The following ENOX1 variants were observed in gnomAD, a reference collection of about 807,000 sequenced individuals.
The protein encoded by ENOX1 is candidate growth-related and time keeping constitutive hydroquinone (NADH) oxidase.
In ENOX1, 42 loss-of-function variants were observed where a neutral mutation model predicts 82.5. The observed-to-expected ratio is 0.51, with a 90% CI of 0.40 to 0.66. The LOEUF is 0.66. Among genes scored for constraint, ENOX1 ranks in the 30% least tolerant of loss-of-function variants. The pLI is 0.00. For missense variants in ENOX1, 608 were observed against 811.6 expected (o/e 0.75, Z 3.05); for synonymous variants, 271 against 282.2 (o/e 0.96, Z 0.40).
intron 1 of ENOX1, among the ~76,000 whole-genome samples, chr13:43,707,194 C>T (rs2087352950): frequency 6.6e-6 from 1 of 151,834 alleles, no homozygotes; most frequent in Non-Finnish European, 1.5e-5. Context: ...AGAGAAAAAA[C>T]ATAATAACAA....
At chr13:43,287,819 G>C (rs1032321057) in intron 12 of ENOX1, among the ~76,000 whole-genome samples, 2 of 152,234 alleles carry the variant, frequency 1.3e-5, no homozygotes, top group South Asian at 2.1e-4. Flanking sequence ...TGTCATGTGT[G>C]ATCCTTTCAA....
chr13:43,301,583 A>C (rs63616960), intron 11 of ENOX1, among the ~76,000 whole-genome samples: 1 of 30,148 alleles, frequency 3.3e-5, no homozygotes, highest in South Asian at 6.5e-4. Flanking sequence ...TTCCCCCACC[A>C]AAAAAAAAAA....
At chr13:43,379,507 T>TGA (rs563100259) in intron 5 of ENOX1, among the ~76,000 whole-genome samples, 22 of 152,042 alleles carry the variant, frequency 1.4e-4, no homozygotes, top group Non-Finnish European at 3.1e-4. Flanking sequence ...CTTGTAGGGA[T>TGA]GAGAAGTACA....
intron 1 of ENOX1, among the ~76,000 whole-genome samples, chr13:43,730,457 G>C (rs2089275912): frequency 6.6e-6 from 1 of 152,134 alleles, no homozygotes; most frequent in Non-Finnish European, 1.5e-5. Context: ...ACTCTCCAAA[G>C]TCTGCTTCTT....
chr13:43,262,683 C>T (rs2044145283), intron 14 of ENOX1, among the ~76,000 whole-genome samples: 1 of 152,220 alleles, frequency 6.6e-6, no homozygotes, highest in South Asian at 2.1e-4. Flanking sequence ...CGCCATGTTG[C>T]CCAGTCTGGT....
intron 3 of ENOX1, among the ~76,000 whole-genome samples, chr13:43,453,914 G>A (rs1432210235): frequency 6.6e-6 from 1 of 152,198 alleles, no homozygotes; most frequent in Non-Finnish European, 1.5e-5. Context: ...AGTAGGTGTA[G>A]ATGATGGGAA....
At chr13:43,652,168 A>C (rs2084220433) in intron 2 of ENOX1, among the ~76,000 whole-genome samples, 1 of 151,990 alleles carries the variant, frequency 6.6e-6, no homozygotes, top group Non-Finnish European at 1.5e-5. Context: ...TCTACAGGTC[A>C]CTTTTTTGGA....
At position 43,238,207 on chromosome 13, in the gene ENOX1, C is replaced by T. The variant is rs79978488; in HGVS notation, c.1612-1469G>A. Among the ~76,000 whole-genome samples, 68 of 152,186 alleles carry T rather than the reference C, an allele frequency of 4.5e-4. 1 individual carries two copies. The highest frequency in any genetic ancestry group is 1.6e-3 in the African/African-American group (66 of 41,522). ...GCTAAGTCTGGAGCCAGCTGTACATCAAAGGTTACTAGAGATGAAAGATGC... is the reference window on the plus strand; with the variant it reads ...GCTAAGTCTGGAGCCAGCTGTACATTAAAGGTTACTAGAGATGAAAGATGC... On this transcript the variant is annotated intron_variant, in intron 14 of 16. Coordinates refer to ENST00000690772, the MANE Select transcript of ENOX1 (RefSeq NM_001347969.2).
At chr13:43,332,125 C>G (rs1266556020) in intron 9 of ENOX1, among the ~76,000 whole-genome samples, 1 of 152,152 alleles carries the variant, frequency 6.6e-6, no homozygotes, top group African/African-American at 2.4e-5. Context: ...TACTGAACTT[C>G]CTGGCTAGAT....
intron 11 of ENOX1, among the ~76,000 whole-genome samples, chr13:43,312,713 T>C (rs1267218067): frequency 2.0e-5 from 3 of 152,194 alleles, no homozygotes; most frequent in African/African-American, 7.2e-5. Flanking sequence ...TTTCAGGAAA[T>C]AAATGTCACT....
chr13:43,669,153 A>G (rs1298138741), intron 1 of ENOX1, among the ~76,000 whole-genome samples: 1 of 152,226 alleles, frequency 6.6e-6, no homozygotes, highest in Admixed American at 6.5e-5. Context: ...CAGAGTGTCA[A>G]TGAAACTGCA....
chr13:43,271,641 C>T lies in ENOX1; in HGVS notation c.1447-2064G>A, dbSNP rs1170387660. 1.1e-4 allele frequency among the ~76,000 whole-genome samples: 16 copies of T among 151,618 alleles called. No individual in the cohort carries two copies. The East Asian group carries it at 3.0e-3, about 28-fold the overall frequency. ...CATTGGAGTCTTCATTGCATCCGCA[C>T]ACTTACAACTCTTCCTTCTATTAAA... On this transcript the variant is annotated intron_variant, in intron 12 of 16. Transcript: ENST00000690772.
At chr13:43,530,722 C>T (rs779983055) in intron 2 of ENOX1, among the ~76,000 whole-genome samples, 3 of 151,936 alleles carry the variant, frequency 2.0e-5, no homozygotes, top group Non-Finnish European at 4.4e-5. Context: ...CAGGAATTTG[C>T]CAAATCATTA....
At chr13:43,772,749 T>TTA (rs773843047) in intron 1 of ENOX1, among the ~76,000 whole-genome samples, 2 of 112,110 alleles carry the variant, frequency 1.8e-5, no homozygotes, top group East Asian at 2.4e-4. Context: ...ACTCTGTCTT[T>TTA]AAAAAAAAAA....
chr13:43,659,840 A>G (rs1398894558), intron 2 of ENOX1, among the ~76,000 whole-genome samples: 2 of 152,218 alleles, frequency 1.3e-5, no homozygotes, highest in Admixed American at 1.3e-4. Context: ...TAAGGAGCAG[A>G]GAACAGAAGG....
chr13:43,751,523 A>G (rs571046830), intron 1 of ENOX1, among the ~76,000 whole-genome samples: 1 of 152,106 alleles, frequency 6.6e-6, no homozygotes, highest in Admixed American at 6.5e-5. Flanking sequence ...CCTTTTGTCA[A>G]CTCTCTCTGT....
chr13:43,413,171 C>T (rs1233574610), intron 3 of ENOX1, among the ~76,000 whole-genome samples, 183 bp from the exon 4 acceptor site: 1 of 152,164 alleles, frequency 6.6e-6, no homozygotes, highest in Admixed American at 6.5e-5. Context: ...ACCTTAGAGC[C>T]CTGTGAGATG....
chr13:43,325,720 T>C (rs1239455317), intron 10 of ENOX1, among the ~76,000 whole-genome samples: 2 of 152,198 alleles, frequency 1.3e-5, no homozygotes, highest in African/African-American at 4.8e-5. Context: ...AAAGACAGTA[T>C]ACTTACTTTT....
chr13:43,616,133 T>TAG (rs1491549157), intron 2 of ENOX1, among the ~76,000 whole-genome samples: 11 of 39,982 alleles, frequency 2.8e-4, no homozygotes, highest in Non-Finnish European at 5.1e-4. Context: ...TAGATATCTA[T>TAG]CTATCTAGAT....
Sources: allele counts gnomAD v4.1 joint callset (sites outside exome capture counted in the v4.1 genomes callset), GRCh38; gene constraint gnomAD v4.1.1; transcripts MANE v1.5; gene names NCBI Gene and HGNC (gene_info 2026-07-23, HGNC 2026-07-21).